EHD3: variants seen among roughly 807,000 people sequenced by gnomAD.
EHD3 encodes EH domain-containing protein 3.
Under a neutral mutation model 43.0 loss-of-function variants are expected in EHD3, and 17 were observed. The ratio of observed to expected loss-of-function variants is 0.40; its 90% CI spans 0.27 to 0.59. The LOEUF is 0.59. EHD3 is among the 20% of genes least tolerant of loss of function. EHD3 has a pLI of 0.49. For missense variants in EHD3, 594 were observed against 705.6 expected (o/e 0.84, Z 1.79); for synonymous variants, 313 against 289.5 (o/e 1.08, Z -0.82).
At chr2:31,247,387 G>C (rs913669818) in intron 2 of EHD3, among the ~76,000 whole-genome samples, 1 of 152,008 alleles carries the variant, frequency 6.6e-6, no homozygotes, top group Admixed American at 6.5e-5. Context: ...TATATAGGAA[G>C]GTGTTGTGAA....
intron 3 of EHD3, among the ~76,000 whole-genome samples, chr2:31,252,535 C>T (rs1316667683): frequency 3.9e-5 from 6 of 152,228 alleles, no homozygotes; most frequent in Non-Finnish European, 8.8e-5. Context: ...ACTGCAATGG[C>T]GTAATCTCGG....
rs1572476303 is a variant in EHD3 at position 31,266,877 on chromosome 2, T to C, written c.*173T>C. Reference sequence around the variant, plus strand: ...TGACGCCCATGTTTGCAGCTGATACTTGTTTGGGCACACCTCCAAGTTCTC... The same window carrying C: ...TGACGCCCATGTTTGCAGCTGATACCTGTTTGGGCACACCTCCAAGTTCTC... On this transcript the variant is annotated 3_prime_UTR_variant, in exon 6 of 6. Coordinates refer to ENST00000322054, the MANE Select transcript of EHD3 (RefSeq NM_014600.3). The surrounding 1 kb of genome is among the most constrained non-coding windows in gnomAD (Gnocchi z 5.1). 1.2e-6 allele frequency: 1 copy of C among 827,478 alleles called. No homozygotes were observed. The highest frequency in any genetic ancestry group is 1.8e-6 in the Non-Finnish European group (1 of 552,174). The allele number at this position is 827,478 out of a possible 1,614,324, so 51.3% of individuals were successfully genotyped here.
Position 31,234,490 on chromosome 2 carries a change from G to A in EHD3, c.-132G>A. 1 of 1,027,032 alleles carries A rather than the reference G, an allele frequency of 9.7e-7. No homozygotes were observed. Among genetic ancestry groups the A allele is most frequent in the East Asian group, 2.5e-5 (1 of 39,222 alleles). The allele number at this position is 1,027,032 out of a possible 1,614,324, so 63.6% of individuals were successfully genotyped here. On this transcript the variant is annotated 5_prime_UTR_variant, in exon 1 of 6. The change creates a new upstream start codon in the 5' untranslated region. Transcript: ENST00000322054. Reference sequence around the variant, plus strand: ...CTCCTAGCCGCGTGCCCGGGCCATGGTGCGGCTGAGCCCCGCGCTTGGGTG... The same window carrying A: ...CTCCTAGCCGCGTGCCCGGGCCATGATGCGGCTGAGCCCCGCGCTTGGGTG...
intron 3 of EHD3, 44 bp downstream of exon 3, chr2:31,249,512 T>C: frequency 1.9e-6 from 3 of 1,575,536 alleles, no homozygotes; most frequent in Non-Finnish European, 2.6e-6. Flanking sequence ...GCTCCATGGT[T>C]CTGGCACGTT....
chr2:31,249,524 A>G, intron 3 of EHD3, 56 bp downstream of exon 3: 1 of 1,516,738 alleles, frequency 6.6e-7, no homozygotes, highest in South Asian at 1.1e-5. Context: ...TGGCACGTTC[A>G]GTCTCTTACA....
At chr2:31,254,548 C>T (rs550995479) in intron 3 of EHD3, among the ~76,000 whole-genome samples, 13 of 152,362 alleles carry the variant, frequency 8.5e-5, no homozygotes, top group African/African-American at 3.1e-4. Flanking sequence ...CCGTTGTCAG[C>T]CAAACTCTTC....
At chr2:31,257,985 A>C (rs2148722238) in intron 3 of EHD3, among the ~76,000 whole-genome samples, 1 of 152,278 alleles carries the variant, frequency 6.6e-6, no homozygotes, top group South Asian at 2.1e-4. Flanking sequence ...CCCTATCTGT[A>C]AATCAGGAAG....
intron 5 of EHD3, among the ~76,000 whole-genome samples, chr2:31,263,411 T>C (rs899381242): frequency 6.6e-6 from 1 of 152,254 alleles, no homozygotes; most frequent in Non-Finnish European, 1.5e-5. Context: ...CAGTTCAATA[T>C]GCTGAATCCA....
rs761502319 is a variant in EHD3 at position 31,234,857 on chromosome 2, G to C, written c.227+9G>C. 4 of 1,613,884 alleles carry C rather than the reference G, an allele frequency of 2.5e-6. No individual in the cohort carries two copies. The highest frequency in any genetic ancestry group is 1.7e-5 in the Admixed American group (1 of 60,018). On this transcript the variant is annotated intron_variant, in intron 1 of 5. Transcript: ENST00000322054. ...AAGACCACCTTCATCAGGTGAGCCGGCCCAGGGTCCTGGCAGCCCACCCCG... is the reference window on the plus strand; with the variant it reads ...AAGACCACCTTCATCAGGTGAGCCGCCCCAGGGTCCTGGCAGCCCACCCCG...
intron 1 of EHD3, among the ~76,000 whole-genome samples, chr2:31,242,341 T>G (rs981045105): frequency 6.6e-6 from 1 of 152,134 alleles, no homozygotes; most frequent in Non-Finnish European, 1.5e-5. Flanking sequence ...GTGTGGGTGT[T>G]GGGTACAGAA....
At chr2:31,243,387 G>T (rs1683456379) in intron 1 of EHD3, among the ~76,000 whole-genome samples, 2 of 151,342 alleles carry the variant, frequency 1.3e-5, no homozygotes, top group Admixed American at 1.3e-4. Context: ...ACAAAATACA[G>T]ATACTAGAGG....
Position 31,247,834 on chromosome 2 carries a change from A to G in EHD3, c.405-1537A>G, listed in dbSNP as rs986992139. On this transcript the variant is annotated intron_variant, in intron 2 of 5. Coordinates refer to ENST00000322054, the MANE Select transcript of EHD3 (RefSeq NM_014600.3). ...ATGAGTGAAGTGGCACCAACAGTGT[A>G]AAAAAAAGAGGACATTCCCAGCAGA... Among the ~76,000 whole-genome samples, 7 of 152,156 alleles carry G rather than the reference A, an allele frequency of 4.6e-5. No homozygotes were observed. In the East Asian group the frequency reaches 1.2e-3, roughly 25 times the overall value.
At position 31,244,257 on chromosome 2, in the gene EHD3, G is replaced by T. The variant is rs1342429804; in HGVS notation, c.228-17G>T. ...TGCGCAGAACGCCTGCATTAGGACT[G>T]TGCTTCTTCCTGCTAGGTACCTGCT... On this transcript the variant is annotated splice_polypyrimidine_tract_variant and intron_variant, in intron 1 of 5. Coordinates refer to ENST00000322054, the MANE Select transcript of EHD3 (RefSeq NM_014600.3). 22 of 1,610,874 alleles carry T rather than the reference G, an allele frequency of 1.4e-5. No homozygotes were observed. Among genetic ancestry groups the T allele is most frequent in the Non-Finnish European group, 1.9e-5 (22 of 1,177,708 alleles).
At chr2:31,236,834 A>G (rs1683333057) in intron 1 of EHD3, among the ~76,000 whole-genome samples, 1 of 152,156 alleles carries the variant, frequency 6.6e-6, no homozygotes, top group Non-Finnish European at 1.5e-5. Context: ...GAGGATCCCC[A>G]AGCAGCAGAC....
chr2:31,236,673 C>G (rs1683329756), intron 1 of EHD3, among the ~76,000 whole-genome samples: 1 of 152,236 alleles, frequency 6.6e-6, no homozygotes, highest in South Asian at 2.1e-4. Flanking sequence ...TATAACCTTT[C>G]ATACATTATC....
At chr2:31,258,535 T>C (rs944901562) in intron 3 of EHD3, among the ~76,000 whole-genome samples, 4 of 152,192 alleles carry the variant, frequency 2.6e-5, no homozygotes, top group African/African-American at 9.7e-5. Flanking sequence ...TTCATAGCAC[T>C]GACTCCAGGG....
chr2:31,235,207 T>G (rs1683301616), intron 1 of EHD3, among the ~76,000 whole-genome samples: 1 of 152,216 alleles, frequency 6.6e-6, no homozygotes, highest in South Asian at 2.1e-4. Context: ...TGGGGATGTC[T>G]TACGTCTTCA....
chr2:31,250,244 G>GATC (rs1181603482), intron 3 of EHD3, among the ~76,000 whole-genome samples: 1 of 150,932 alleles, frequency 6.6e-6, no homozygotes, highest in East Asian at 2.0e-4. Context: ...GATTATAGAT[G>GATC]ATCATCATCA....
intron 5 of EHD3, among the ~76,000 whole-genome samples, chr2:31,265,024 T>G (rs1309021755): frequency 6.6e-6 from 1 of 152,184 alleles, no homozygotes; most frequent in African/African-American, 2.4e-5. Context: ...CTACACAGGG[T>G]CAGCATCATC....
Sources: allele counts gnomAD v4.1 joint callset (sites outside exome capture counted in the v4.1 genomes callset), GRCh38; gene constraint gnomAD v4.1.1; non-coding constraint Gnocchi (gnomAD v3.1); transcripts MANE v1.5; gene names NCBI Gene and HGNC (gene_info 2026-07-23, HGNC 2026-07-21).